Variants in ENTREP2 observed in about 807,000 individuals in gnomAD.
The protein encoded by ENTREP2 is protein ENTREP2.
chr15:29,487,571 C>T, the ENTREP2 span, among the ~76,000 whole-genome samples: 301 of 152,332 alleles, frequency 2.0e-3, no homozygotes, highest in Non-Finnish European at 3.0e-3. Context: ...AGAGACCACA[C>T]ACGGTAAGGA....
chr15:29,265,967 C>T, the ENTREP2 span: 2 of 152,174 alleles, frequency 1.3e-5, no homozygotes, highest in African/African-American at 4.8e-5. Context: ...GCACTATACA[C>T]AAATGTAGCT....
At chr15:29,242,167 C>T in the ENTREP2 span, among the ~76,000 whole-genome samples, 1 of 152,124 alleles carries the variant, frequency 6.6e-6, no homozygotes, top group African/African-American at 2.4e-5. Context: ...TCCACTGCAC[C>T]CCCTGCGTCC....
the ENTREP2 span, among the ~76,000 whole-genome samples, chr15:29,172,152 T>C: frequency 6.6e-6 from 1 of 152,120 alleles, no homozygotes; most frequent in Non-Finnish European, 1.5e-5. Flanking sequence ...ATCTCATCAC[T>C]GAAGAATCCA....
the ENTREP2 span, among the ~76,000 whole-genome samples, chr15:29,521,304 C>T: frequency 5.3e-5 from 8 of 152,164 alleles, no homozygotes; most frequent in South Asian, 2.1e-4. Flanking sequence ...TTCTAAAATT[C>T]GCACAGAAAT....
chr15:29,444,489 T>G, the ENTREP2 span, among the ~76,000 whole-genome samples: 1 of 151,366 alleles, frequency 6.6e-6, no homozygotes, highest in African/African-American at 2.4e-5. Flanking sequence ...TTTTTCTTTT[T>G]TTTTTTCTTT....
the ENTREP2 span, among the ~76,000 whole-genome samples, chr15:29,127,044 G>C: frequency 6.6e-6 from 1 of 152,194 alleles, no homozygotes; most frequent in African/African-American, 2.4e-5. Flanking sequence ...CTCTCAGCTG[G>C]ACCCCAGACC....
the ENTREP2 span, among the ~76,000 whole-genome samples, chr15:29,567,943 A>C: frequency 6.6e-6 from 1 of 152,208 alleles, no homozygotes; most frequent in Non-Finnish European, 1.5e-5. Context: ...GGATTTCTTT[A>C]TGAAGCCAGC....
the ENTREP2 span, among the ~76,000 whole-genome samples, chr15:29,554,182 G>A: frequency 5.9e-5 from 9 of 151,874 alleles, no homozygotes; most frequent in African/African-American, 9.7e-5. Context: ...GTGTGGTGGC[G>A]CGTTGCCTGT....
chr15:29,444,184 A>AC, the ENTREP2 span, among the ~76,000 whole-genome samples: 12,007 of 87,774 alleles, frequency 0.14, 1,308 homozygotes, highest in South Asian at 0.17. Flanking sequence ...GAAAGAAAGA[A>AC]AGAAAGAAAG....
At chr15:29,140,393 G>A in the ENTREP2 span, among the ~76,000 whole-genome samples, 5 of 152,232 alleles carry the variant, frequency 3.3e-5, no homozygotes, top group East Asian at 9.7e-4. Context: ...GTGCCTCTCT[G>A]CCTTGATTTT....
chr15:29,660,859 G>A, the ENTREP2 span, among the ~76,000 whole-genome samples: 3 of 152,164 alleles, frequency 2.0e-5, no homozygotes, highest in African/African-American at 7.2e-5. Context: ...CATGGGATGT[G>A]AAACCTGCAT....
At chr15:29,370,178 C>T in the ENTREP2 span, among the ~76,000 whole-genome samples, 1 of 152,158 alleles carries the variant, frequency 6.6e-6, no homozygotes, top group East Asian at 1.9e-4. Flanking sequence ...TTAAACTCTC[C>T]AATTAAAAGG....
chr15:29,550,088 G>A, the ENTREP2 span, among the ~76,000 whole-genome samples: 2 of 152,244 alleles, frequency 1.3e-5, no homozygotes, highest in East Asian at 3.9e-4. Context: ...AAACCCTCCA[G>A]ACATGATCAG....
chr15:29,269,412 A>G, the ENTREP2 span: 1 of 1,614,052 alleles, frequency 6.2e-7, no homozygotes, highest in African/African-American at 1.3e-5. Flanking sequence ...TCTGGTCTTT[A>G]ATCAGCAAGA....
chr15:29,617,570 C>T, the ENTREP2 span, among the ~76,000 whole-genome samples: 1 of 152,152 alleles, frequency 6.6e-6, no homozygotes, highest in East Asian at 1.9e-4. Context: ...TCTTCAGCTG[C>T]GATATTAAGA....
At chr15:29,407,832 AT>A in the ENTREP2 span, among the ~76,000 whole-genome samples, 19 of 148,836 alleles carry the variant, frequency 1.3e-4, no homozygotes, top group Admixed American at 2.7e-4. Flanking sequence ...CACCCCACTA[AT>A]TTTTTGGGGT....
At chr15:29,273,597 T>C in the ENTREP2 span, among the ~76,000 whole-genome samples, 2 of 152,154 alleles carry the variant, frequency 1.3e-5, no homozygotes, top group African/African-American at 4.8e-5. Flanking sequence ...AGTGAGGGTG[T>C]TGCCAAAGGA....
the ENTREP2 span, among the ~76,000 whole-genome samples, chr15:29,647,229 T>C: frequency 6.6e-6 from 1 of 152,188 alleles, no homozygotes; most frequent in African/African-American, 2.4e-5. Flanking sequence ...GAACAGAGCC[T>C]AAAAACACAC....
At chr15:29,123,122 C>T in the ENTREP2 span, 615 of 531,142 alleles carry the variant, frequency 1.2e-3, 5 homozygotes, top group South Asian at 6.3e-3. Flanking sequence ...CTGGGCTAGG[C>T]AGGAAATGCA....
Sources: allele counts gnomAD v4.1 joint callset (sites outside exome capture counted in the v4.1 genomes callset), GRCh38; gene constraint gnomAD v4.1.1; transcripts MANE v1.5; gene names NCBI Gene and HGNC (gene_info 2026-07-23, HGNC 2026-07-21).